APOD: variants seen among roughly 807,000 people sequenced by gnomAD.
The protein encoded by APOD is apo-D.
In APOD, 22 loss-of-function variants were observed where a neutral mutation model predicts 20.4. That is an observed-to-expected ratio of 1.08 (90% CI 0.77 to 1.54). The LOEUF (loss-of-function observed/expected upper bound fraction) is 1.54, where lower values mean the gene tolerates loss of function less well. Ranked by LOEUF, APOD falls within the 40% of genes most tolerant of loss-of-function variation. APOD has a pLI of 0.00. For synonymous variants in APOD, 97 were observed against 92.4 expected, an observed-to-expected ratio of 1.05 and a Z score of -0.29; for missense variants, 223 against 229.6, an observed-to-expected ratio of 0.97 and a Z score of 0.19.
In APOD at chr3:195,568,898, G is replaced by C. The variant is rs1402313499; in HGVS notation, c.*2C>G. On this transcript the variant is annotated 3_prime_UTR_variant, in exon 5 of 5. Transcript: ENST00000343267. Reference sequence around the variant, plus strand: ...TGGGTGCAGCCTCCCTGTAGAACCTGGTTACGAGAGCTTGGGGCAGTTCAC... The same window carrying C: ...TGGGTGCAGCCTCCCTGTAGAACCTCGTTACGAGAGCTTGGGGCAGTTCAC... The C allele has an allele frequency of 1.2e-6, 2 of 1,610,334 alleles. No homozygotes were observed. Among genetic ancestry groups the C allele is most frequent in the African/African-American group, 2.7e-5 (2 of 74,684 alleles).
chr3:195,583,797 A>C (rs1720380132), intron 1 of APOD, 81 bp downstream of exon 1: 1 of 152,220 alleles, frequency 6.6e-6, no homozygotes, highest in Admixed American at 6.5e-5. Context: ...ATGTAGCTGA[A>C]ATGGGGCAAT....
chr3:195,580,046 G>A (rs116518489), intron 1 of APOD, among the ~76,000 whole-genome samples: 468 of 152,266 alleles, frequency 3.1e-3, no homozygotes, highest in African/African-American at 0.011. Flanking sequence ...CCAAGAGTGC[G>A]CTTGGAAACC....
chr3:195,577,908 G>T (rs931152512), intron 2 of APOD, among the ~76,000 whole-genome samples: 1 of 152,178 alleles, frequency 6.6e-6, no homozygotes, highest in Non-Finnish European at 1.5e-5. Context: ...AGGGTTGGAG[G>T]GGAGATGGAG....
rs758203095 is a variant in APOD at position 195,573,956 on chromosome 3, AC to A, written c.138del (p.Trp46CysfsTer23). 1 of 1,614,102 alleles carries A rather than the reference AC, an allele frequency of 6.2e-7. No homozygotes were observed. The highest frequency in any genetic ancestry group is 1.7e-5 in the Admixed American group (1 of 60,016). On this transcript the variant is annotated frameshift_variant, in exon 3 of 5. Transcript: ENST00000343267. LOFTEE classifies it high-confidence loss of function. ...GTTGTTGGGATCTTCTCAATTTCGT[AC>A]CATCTTCCGAGATACTGCAGAGACA... is the stretch of plus-strand genomic sequence containing the variant. ...NFDVNKYLGR[W>X]YEIEKIPTTF...
At position 195,577,677 on chromosome 3, in the gene APOD, A is replaced by G. The variant is rs546393748; in HGVS notation, c.123+1662T>C. On this transcript the variant is annotated intron_variant, in intron 2 of 4. Coordinates refer to ENST00000343267, the MANE Select transcript of APOD (RefSeq NM_001647.4). ...TGAGAGTGCAAAAATAAACTCTCAC[A>G]TATACAGTCAATTGATTTCCTATAA... 3.0e-4 allele frequency among the ~76,000 whole-genome samples: 46 copies of G among 152,350 alleles called. 1 individual carries two copies. The highest frequency in any genetic ancestry group is 6.2e-4 in the Non-Finnish European group (42 of 68,024).
At position 195,568,933 on chromosome 3, in the gene APOD, G is replaced by A; in HGVS notation, c.537C>T (p.Val179=). The A allele has an allele frequency of 6.2e-7, 1 of 1,614,082 alleles. No homozygotes were observed. Among genetic ancestry groups the A allele is most frequent in the Non-Finnish European group, 8.5e-7 (1 of 1,180,002 alleles). ...SNNIDVKKMT[V]TDQVNCPKLS ...GCTTGGGGCAGTTCACCTGGTCTGT[G>A]ACCGTCATTTTCTTGACATCAATGT... Residue 179 remains valine, a synonymous_variant, in exon 5 of 5, where the codon GTC becomes GTT. Coordinates refer to ENST00000343267, the MANE Select transcript of APOD (RefSeq NM_001647.4).
rs200334618 is a variant in APOD, at chr3:195,568,852, C to G, written c.*48G>C. ...TTTATGGGGGGGGGGTAGGGGAAAGCGAAGCAGAAGTAACATGGAGTGGGT... is the reference window on the plus strand; with the variant it reads ...TTTATGGGGGGGGGGTAGGGGAAAGGGAAGCAGAAGTAACATGGAGTGGGT... On this transcript the variant is annotated 3_prime_UTR_variant, in exon 5 of 5. Coordinates refer to ENST00000343267, the MANE Select transcript of APOD (RefSeq NM_001647.4). 5 of 1,363,632 alleles carry G rather than the reference C, an allele frequency of 3.7e-6. No homozygotes were observed. The African/African-American group carries it at 7.7e-5, about 21-fold the overall frequency. 84.5% of individuals were successfully genotyped at this position (1,363,632 alleles called of 1,614,324 possible). A position where few individuals can be genotyped will look rare whatever the true frequency, so the allele number is the denominator to read the frequency against.
chr3:195,576,613 C>A (rs9886960), intron 2 of APOD, among the ~76,000 whole-genome samples: 2 of 151,904 alleles, frequency 1.3e-5, no homozygotes, highest in Non-Finnish European at 2.9e-5. Context: ...AGTTCAAGAC[C>A]AGCATAGCCA....
intron 1 of APOD, among the ~76,000 whole-genome samples, chr3:195,580,068 C>T (rs963369135): frequency 1.3e-5 from 2 of 152,140 alleles, no homozygotes; most frequent in Admixed American, 6.5e-5. Context: ...TAACAGGGAG[C>T]GGCCTGCTGG....
rs536945883 is a variant in APOD, at chr3:195,569,215, A to G, written c.335-80T>C. 7.6e-6 allele frequency: 9 copies of G among 1,190,326 alleles called. No homozygotes were observed. The East Asian group carries it at 2.1e-4, about 28-fold the overall frequency. The allele number at this position is 1,190,326 out of a possible 1,614,324, so 73.7% of individuals were successfully genotyped here. On this transcript the variant is annotated intron_variant, in intron 4 of 4. Coordinates refer to ENST00000343267, the MANE Select transcript of APOD (RefSeq NM_001647.4). Reference sequence around the variant, plus strand: ...GGACAACACAAGAAGGCTGGCCCAGACAACCACCCACCAAGCCCCCCACCT... The same window carrying G: ...GGACAACACAAGAAGGCTGGCCCAGGCAACCACCCACCAAGCCCCCCACCT...
Position 195,569,108 on chromosome 3 carries a change from A to G in APOD, c.362T>C (p.Leu121Pro). 1 of 1,614,202 alleles carries G rather than the reference A, an allele frequency of 6.2e-7. No individual in the cohort carries two copies. Among genetic ancestry groups the G allele is most frequent in the South Asian group, 1.1e-5 (1 of 91,084 alleles). Reference sequence around the variant, plus strand: ...GGCATAGTTCTCATAGTCGGTGGCCAGGATCCAGTACGGTGCCGATGGCAT... The same window carrying G: ...GGCATAGTTCTCATAGTCGGTGGCCGGGATCCAGTACGGTGCCGATGGCAT... ...WFMPSAPYWILATDYENYALV... is the reference protein window; with the variant it reads ...WFMPSAPYWIPATDYENYALV... Residue 121 changes from leucine to proline, a missense_variant, in exon 5 of 5, where the codon CTG becomes CCG. Coordinates refer to ENST00000343267, the MANE Select transcript of APOD (RefSeq NM_001647.4).
At chr3:195,581,319 C>A (rs188750678) in intron 1 of APOD, among the ~76,000 whole-genome samples, 155 of 152,272 alleles carry the variant, frequency 1.0e-3, no homozygotes, top group African/African-American at 3.6e-3. Flanking sequence ...ACTGTATAAA[C>A]AAAACCTGTC....
intron 3 of APOD, among the ~76,000 whole-genome samples, chr3:195,572,698 A>G (rs1269604878): frequency 6.6e-6 from 1 of 152,130 alleles, no homozygotes; most frequent in Non-Finnish European, 1.5e-5. Context: ...CTGAAATTAG[A>G]GCAGTCGTAT....
intron 4 of APOD, among the ~76,000 whole-genome samples, chr3:195,569,924 T>C (rs1001485279): frequency 8.0e-5 from 12 of 150,236 alleles, no homozygotes; most frequent in Admixed American, 1.3e-4. Flanking sequence ...CTCAGCATCC[T>C]GAGTAGCTGG....
At chr3:195,571,097 C>A (rs1220356683) in intron 4 of APOD, 180 bp downstream of exon 4, 82 of 642,984 alleles carry the variant, frequency 1.3e-4, no homozygotes, top group Non-Finnish European at 1.8e-4. Context: ...AAGGCCAGCT[C>A]TGTCCGGCTC....
At position 195,571,330 on chromosome 3, in the gene APOD, G is replaced by A. The variant is rs1390274367; in HGVS notation, c.281C>T (p.Ala94Val). ...DGTVNQIEGE[A>V]TPVNLTEPAK... ...AGGCTCTGTGAGGTTAACTGGGGTGGCTTCACCTTCGATTTGATTCACAGT... is the reference window on the plus strand; with the variant it reads ...AGGCTCTGTGAGGTTAACTGGGGTGACTTCACCTTCGATTTGATTCACAGT... The change falls in exon 4 of 5, where the codon GCC becomes GTC. Residue 94 changes from alanine (A) to valine (V), a missense_variant. Transcript: ENST00000343267. 2 of 1,614,086 alleles carry A rather than the reference G, an allele frequency of 1.2e-6. No individual in the cohort carries two copies. Among genetic ancestry groups the A allele is most frequent in the Non-Finnish European group, 1.7e-6 (2 of 1,180,012 alleles).
At chr3:195,572,272 T>C (rs77478825) in intron 3 of APOD, among the ~76,000 whole-genome samples, 10,054 of 152,028 alleles carry the variant, frequency 0.066, 491 homozygotes, top group South Asian at 0.2. Context: ...AGCCTCTGAG[T>C]GAGTGTGGGG....
intron 2 of APOD, among the ~76,000 whole-genome samples, chr3:195,574,601 G>C (rs1720220441): frequency 6.6e-6 from 1 of 152,136 alleles, no homozygotes; most frequent in African/African-American, 2.4e-5. Context: ...CTCTGCGGAG[G>C]GCAGTTTGGC....
chr3:195,573,798 A>T, intron 3 of APOD, 52 bp downstream of exon 3: 4 of 1,593,926 alleles, frequency 2.5e-6, no homozygotes, highest in Non-Finnish European at 3.4e-6. Flanking sequence ...ACACCCAGTC[A>T]CTCTGCATCA....
Sources: allele counts gnomAD v4.1 joint callset (sites outside exome capture counted in the v4.1 genomes callset), GRCh38; gene constraint gnomAD v4.1.1; transcripts MANE v1.5; gene names NCBI Gene and HGNC (gene_info 2026-07-23, HGNC 2026-07-21).